PCDH11X: variants seen among roughly 807,000 people sequenced by gnomAD.
The protein encoded by PCDH11X is protocadherin 11 X-linked, also known as protocadherin-11 X-linked.
PCDH11X carries 18 observed loss-of-function variants against 53.3 expected under a neutral mutation model. The ratio of observed to expected loss-of-function variants is 0.34; its 90% CI spans 0.23 to 0.50. PCDH11X has a LOEUF of 0.50. PCDH11X is among the 20% of genes least tolerant of loss of function. The pLI, the probability that PCDH11X is intolerant of heterozygous loss-of-function variation, is 0.98. For synonymous variants in PCDH11X, 279 were observed against 393.3 expected, an observed-to-expected ratio of 0.71 and a Z score of 3.44; for missense variants, 570 against 1,032.4, an observed-to-expected ratio of 0.55 and a Z score of 6.14.
intron 6 of PCDH11X, among the ~76,000 whole-genome samples, chrX:91,910,723 T>A (rs1160512834): frequency 9.0e-6 from 1 of 111,658 alleles, no homozygotes; most frequent in African/African-American, 3.2e-5. Flanking sequence ...TTTTCCAACA[T>A]GATTGTCTAG....
chrX:91,822,509 C>T (rs1371180911), intron 4 of PCDH11X, among the ~76,000 whole-genome samples: 34 of 110,855 alleles, frequency 3.1e-4, no homozygotes, highest in Non-Finnish European at 5.7e-4. Context: ...TCCTGTGGAT[C>T]GGTGGTGATA....
chrX:92,069,138 A>G (rs1351361757), intron 6 of PCDH11X, among the ~76,000 whole-genome samples: 1 of 110,623 alleles, frequency 9.0e-6, no homozygotes, highest in Non-Finnish European at 1.9e-5. Context: ...TACTTGTTTT[A>G]CATGTCTTGG....
chrX:92,283,206 T>A (rs1367504923), intron 8 of PCDH11X, among the ~76,000 whole-genome samples: 1 of 111,746 alleles, frequency 8.9e-6, no homozygotes, highest in African/African-American at 3.2e-5. Flanking sequence ...AAAACAGATA[T>A]TTTAAACTGA....
intron 6 of PCDH11X, among the ~76,000 whole-genome samples, chrX:92,012,770 T>C (rs1207823624): frequency 8.9e-6 from 1 of 111,753 alleles, no homozygotes; most frequent in Non-Finnish European, 1.9e-5. Flanking sequence ...GTGGGTTTGA[T>C]TTCAGACCAC....
intron 6 of PCDH11X, among the ~76,000 whole-genome samples, chrX:92,009,258 C>G (rs114204279): frequency 4.2e-4 from 47 of 111,646 alleles, no homozygotes; most frequent in African/African-American, 1.5e-3. Flanking sequence ...TAAAATAGAG[C>G]TGTGGTTTGC....
intron 6 of PCDH11X, among the ~76,000 whole-genome samples, chrX:92,064,663 A>G (rs2063578481): frequency 9.1e-6 from 1 of 110,445 alleles, no homozygotes; most frequent in East Asian, 2.8e-4. Flanking sequence ...CAAGGTAATT[A>G]TAGATTTATG....
intron 8 of PCDH11X, among the ~76,000 whole-genome samples, chrX:92,264,219 T>C (rs934315016): frequency 8.9e-6 from 1 of 112,062 alleles, no homozygotes; most frequent in Non-Finnish European, 1.9e-5. Flanking sequence ...TTGAATACAA[T>C]GCCAAAAGGG....
chrX:92,035,419 T>C (rs2063113540), intron 6 of PCDH11X, among the ~76,000 whole-genome samples: 2 of 109,909 alleles, frequency 1.8e-5, no homozygotes, highest in African/African-American at 6.6e-5. Flanking sequence ...TTTGCTATTA[T>C]CTGGTAAAAG....
At chrX:92,285,868 T>C (rs747874235) in intron 8 of PCDH11X, among the ~76,000 whole-genome samples, 7 of 111,096 alleles carry the variant, frequency 6.3e-5, no homozygotes, top group South Asian at 7.7e-4. Context: ...AGCGAGCCAG[T>C]GATAAGCATT....
At chrX:92,278,710 TTCTTCAGTTACTTCAGGCCA>T in intron 8 of PCDH11X, among the ~76,000 whole-genome samples, 1 of 110,708 alleles carries the variant, frequency 9.0e-6, no homozygotes, top group Admixed American at 9.6e-5. Context: ...TCTTTTGTGA[TTCTTCAGTTACTTCAGGCCA>T]TCTGGTCATA....
chrX:92,064,033 C>T (rs981890102), intron 6 of PCDH11X, among the ~76,000 whole-genome samples: 1 of 108,932 alleles, frequency 9.2e-6, no homozygotes, highest in Non-Finnish European at 1.9e-5. Flanking sequence ...CTCATGTGTA[C>T]CAGTAGCCAT....
At chrX:92,094,121 CA>C (rs1231937839) in intron 6 of PCDH11X, among the ~76,000 whole-genome samples, 1 of 94,371 alleles carries the variant, frequency 1.1e-5, no homozygotes, top group Non-Finnish European at 2.1e-5. Context: ...CAGCACCACA[CA>C]AAAAAGTAAT....
intron 5 of PCDH11X, among the ~76,000 whole-genome samples, chrX:91,870,116 A>G (rs909838682): frequency 8.9e-6 from 1 of 111,879 alleles, no homozygotes; most frequent in Non-Finnish European, 1.9e-5. Context: ...ACTAAAAAAA[A>G]TGGACCTGAA....
intron 6 of PCDH11X, among the ~76,000 whole-genome samples, chrX:92,142,565 A>G (rs2148218877): frequency 9.0e-6 from 1 of 111,248 alleles, no homozygotes; most frequent in Non-Finnish European, 1.9e-5. Context: ...TAGGGATTGA[A>G]TGGGTCTATT....
At chrX:91,860,452 A>C in intron 5 of PCDH11X, among the ~76,000 whole-genome samples, 1 of 108,308 alleles carries the variant, frequency 9.2e-6, no homozygotes, top group East Asian at 2.9e-4. Flanking sequence ...AGTATATTTT[A>C]TTTCTTTCTC....
At position 92,299,724 on chromosome X, in the gene PCDH11X, T is replaced by C. The variant is rs185108472; in HGVS notation, c.3144+36581T>C. Among the ~76,000 whole-genome samples, 176 of 111,311 alleles carry C rather than the reference T, an allele frequency of 1.6e-3. 1 individual carries two copies. The highest frequency in any genetic ancestry group is 5.5e-3 in the African/African-American group (169 of 30,689). ...CTTTTTTTCTTTATCTAGCTAGCAG[T>C]CTATCTGTCTTATTAATTTTTTTCA... On this transcript the variant is annotated intron_variant, in intron 8 of 10. Coordinates refer to ENST00000682573, the MANE Select transcript of PCDH11X (RefSeq NM_032968.5).
chrX:91,825,359 GCA>G (rs1936877239), intron 4 of PCDH11X, among the ~76,000 whole-genome samples: 3 of 111,823 alleles, frequency 2.7e-5, no homozygotes, highest in African/African-American at 9.8e-5. Flanking sequence ...CGAGCCAGGT[GCA>G]GGATATAATC....
At chrX:91,792,427 A>T (rs1186385939) in intron 1 of PCDH11X, among the ~76,000 whole-genome samples, 1 of 110,515 alleles carries the variant, frequency 9.0e-6, no homozygotes, top group African/African-American at 3.3e-5. Flanking sequence ...AATGAGTTTA[A>T]TTACAGGAAA....
intron 6 of PCDH11X, among the ~76,000 whole-genome samples, chrX:91,955,168 G>A (rs1255274076): frequency 2.2e-4 from 24 of 111,253 alleles, no homozygotes; most frequent in East Asian, 2.8e-4. Flanking sequence ...AATTTTCTGC[G>A]TATGGCTAGC....
Sources: gnomAD v4.1 joint callset for allele counts (sites outside exome capture counted in the v4.1 genomes callset) on GRCh38, gnomAD v4.1.1 for gene constraint, MANE v1.5 for transcripts, NCBI Gene and HGNC (gene_info 2026-07-23, HGNC 2026-07-21) for gene names.